STPG2: variants seen among roughly 807,000 people sequenced by gnomAD.
STPG2 encodes sperm-tail PG-rich repeat-containing protein 2.
STPG2 carries 56 observed loss-of-function variants against 54.2 expected under a neutral mutation model. The ratio of observed to expected loss-of-function variants is 1.03; its 90% CI spans 0.83 to 1.29. The LOEUF (loss-of-function observed/expected upper bound fraction) is 1.29. Among genes scored for constraint, STPG2 ranks in the 50% most tolerant of loss-of-function variants. The pLI is 0.00. For missense variants in STPG2, 596 were observed against 544.9 expected (o/e 1.09, Z -0.93); for synonymous variants, 200 against 181.8 (o/e 1.10, Z -0.81).
At chr4:97,558,667 C>A (rs1020259448), downstream of STPG2, among the ~76,000 whole-genome samples, 1 of 152,134 alleles carries the variant, frequency 6.6e-6, no homozygotes, top group African/African-American at 2.4e-5. Flanking sequence ...GCATCCTTTC[C>A]CCGCCAAACC....
chr4:98,119,611 T>G (rs1025635548), intron 3 of STPG2, among the ~76,000 whole-genome samples: 6 of 152,220 alleles, frequency 3.9e-5, no homozygotes, highest in Non-Finnish European at 7.3e-5. Flanking sequence ...AATGCCTTTT[T>G]TTTTTTAAGT....
intron 5 of STPG2, among the ~76,000 whole-genome samples, chr4:98,063,980 C>T (rs1023186386): frequency 3.3e-5 from 5 of 151,816 alleles, no homozygotes; most frequent in East Asian, 1.9e-4. Flanking sequence ...ACAGAAACCA[C>T]GAATAAACAC....
intron 1 of STPG2, among the ~76,000 whole-genome samples, chr4:98,140,568 T>A (rs1241748212): frequency 1.3e-5 from 2 of 152,184 alleles, no homozygotes; most frequent in East Asian, 3.8e-4. Context: ...TAGGTGTTAA[T>A]GATCAACAGG....
chr4:97,822,814 C>T (rs1464889631), intron 9 of STPG2, among the ~76,000 whole-genome samples: 1 of 152,212 alleles, frequency 6.6e-6, no homozygotes, highest in Non-Finnish European at 1.5e-5. Context: ...GCTCTACCCC[C>T]ATGACCCAAA....
At chr4:98,061,939 T>C (rs1414575253) in intron 5 of STPG2, among the ~76,000 whole-genome samples, 4 of 152,180 alleles carry the variant, frequency 2.6e-5, no homozygotes, top group Admixed American at 2.6e-4. Context: ...AGCAATCCCA[T>C]TGCTAAGTAT....
chr4:97,821,578 G>A (rs925915725), intron 9 of STPG2, among the ~76,000 whole-genome samples: 1 of 152,228 alleles, frequency 6.6e-6, no homozygotes, highest in Admixed American at 6.5e-5. Context: ...CACTAGTAGA[G>A]TTTCTCTGTG....
chr4:97,849,874 G>A (rs965919940), intron 8 of STPG2, among the ~76,000 whole-genome samples: 1 of 151,970 alleles, frequency 6.6e-6, no homozygotes, highest in Non-Finnish European at 1.5e-5. Context: ...GACTCCTCAG[G>A]GATCTAGAAC....
intron 5 of STPG2, among the ~76,000 whole-genome samples, chr4:98,051,759 C>T (rs969126151): frequency 2.0e-5 from 3 of 151,814 alleles, no homozygotes; most frequent in African/African-American, 2.4e-5. Flanking sequence ...GAAGAGAGGA[C>T]ATATTGCTTG....
chr4:97,541,436 G>A (rs1247756421), intron 4 of STPG2, among the ~76,000 whole-genome samples: 2 of 152,130 alleles, frequency 1.3e-5, no homozygotes, highest in East Asian at 3.9e-4. Flanking sequence ...TCTGTTTAAG[G>A]AGAACTACAA....
chr4:97,645,996 C>G (rs1165372543), intron 10 of STPG2, among the ~76,000 whole-genome samples: 1 of 152,120 alleles, frequency 6.6e-6, no homozygotes, highest in African/African-American at 2.4e-5. Context: ...CACTCTCACT[C>G]AGTTGCTTCA....
At chr4:97,566,094 T>A (rs1186043853) in intron 10 of STPG2, among the ~76,000 whole-genome samples, 1 of 152,170 alleles carries the variant, frequency 6.6e-6, no homozygotes, top group Non-Finnish European at 1.5e-5. Flanking sequence ...TCCACCCAGT[T>A]CGAGCTTCCA....
intron 6 of STPG2, among the ~76,000 whole-genome samples, chr4:97,976,153 T>C (rs900044919): frequency 8.5e-5 from 13 of 152,166 alleles, no homozygotes; most frequent in African/African-American, 3.1e-4. Context: ...CCTAAAAATA[T>C]CTACAAAAAT....
intron 4 of STPG2, among the ~76,000 whole-genome samples, chr4:97,533,354 T>G (rs975714892): frequency 6.6e-6 from 1 of 152,162 alleles, no homozygotes; most frequent in Non-Finnish European, 1.5e-5. Flanking sequence ...TCAAACTCCT[T>G]ATGGAATGAA....
At chr4:98,065,542 T>C (rs1184736112) in intron 5 of STPG2, among the ~76,000 whole-genome samples, 1 of 152,198 alleles carries the variant, frequency 6.6e-6, no homozygotes, top group East Asian at 1.9e-4. Context: ...GTTTAATACA[T>C]GTGAATGAAC....
chr4:97,492,925 AAGAGGT>A (rs1333073581), intron 4 of STPG2, among the ~76,000 whole-genome samples: 2 of 149,634 alleles, frequency 1.3e-5, no homozygotes, highest in Non-Finnish European at 3.0e-5. Context: ...CTCTCCAGTC[AAGAGGT>A]AGAGTCTGCT....
intron 4 of STPG2, among the ~76,000 whole-genome samples, chr4:97,546,845 T>C (rs1284627944): frequency 6.6e-6 from 1 of 152,202 alleles, no homozygotes; most frequent in Non-Finnish European, 1.5e-5. Context: ...GCTCTTGTTC[T>C]TGACTTCATC....
chr4:97,554,750 T>C (rs952783848), downstream of STPG2, among the ~76,000 whole-genome samples: 1 of 152,176 alleles, frequency 6.6e-6, no homozygotes, highest in Non-Finnish European at 1.5e-5. Flanking sequence ...CTACCCAACA[T>C]CTGTTTTTAA....
chr4:97,640,886 A>G (rs948526279), intron 10 of STPG2, among the ~76,000 whole-genome samples: 15 of 151,694 alleles, frequency 9.9e-5, no homozygotes, highest in African/African-American at 3.6e-4. Context: ...CACAGTCAAG[A>G]AAATAGGTTA....
chr4:97,575,757 C>T (rs1443182237), intron 10 of STPG2, among the ~76,000 whole-genome samples: 1 of 152,052 alleles, frequency 6.6e-6, no homozygotes, highest in Non-Finnish European at 1.5e-5. Flanking sequence ...ACTAGAAGTC[C>T]TAGCCAGAGC....
Sources: allele counts gnomAD v4.1 joint callset (sites outside exome capture counted in the v4.1 genomes callset), GRCh38; gene constraint gnomAD v4.1.1; transcripts MANE v1.5; gene names NCBI Gene and HGNC (gene_info 2026-07-23, HGNC 2026-07-21).